The following CD4 variants were observed in gnomAD, a reference collection of about 807,000 sequenced individuals.
CD4 encodes the protein T-cell surface glycoprotein CD4.
A neutral mutation model predicts 50.5 loss-of-function variants in CD4; 25 were observed. The observed-to-expected ratio is 0.49, with a 90% CI of 0.36 to 0.69. The LOEUF (loss-of-function observed/expected upper bound fraction) is 0.69. CD4 is among the 30% of genes least tolerant of loss of function. CD4 has a pLI of 0.00. For synonymous variants in CD4, 207 were observed against 221.9 expected (o/e 0.93, Z 0.60); for missense variants, 456 against 548.5 (o/e 0.83, Z 1.68).
intron 1 of CD4, among the ~76,000 whole-genome samples, chr12:6,794,786 G>GTTTTTTTTTTTTTTTTTTTTTTTT (rs1220016459): frequency 3.8e-5 from 4 of 105,396 alleles, no homozygotes; most frequent in Non-Finnish European, 5.6e-5. Flanking sequence ...TTTTTTTTTT[G>GTTTTTTTTTTTTTTTTTTTTTTTT]TTTTTTTTTT....
rs1179445753 is a variant in CD4, at chr12:6,817,066, A to C, written c.956-64A>C. 2.9e-6 allele frequency: 4 copies of C among 1,388,518 alleles called. No individual in the cohort carries two copies. The East Asian group carries it at 9.2e-5, about 32-fold the overall frequency. 86.0% of individuals were successfully genotyped at this position (1,388,518 alleles called of 1,614,324 possible). ...GGCTAAAAGAAGGTCACCCATATAGAGTATCATTTTAATTGTTCTACTGAA... is the reference window on the plus strand; with the variant it reads ...GGCTAAAAGAAGGTCACCCATATAGCGTATCATTTTAATTGTTCTACTGAA... On this transcript the variant is annotated intron_variant, in intron 6 of 9. Transcript: ENST00000011653.
chr12:6,817,837 ACT>A (rs1565502126), intron 7 of CD4, among the ~76,000 whole-genome samples: 1 of 149,640 alleles, frequency 6.7e-6, no homozygotes. Context: ...ACTGTCACAC[ACT>A]CATACACACA....
chr12:6,794,775 G>GGTTTTTTTTTGTTTTTTTTTTTT (rs1942313022), intron 1 of CD4, among the ~76,000 whole-genome samples: 1 of 112,542 alleles, frequency 8.9e-6, no homozygotes, highest in Non-Finnish European at 1.8e-5. Flanking sequence ...CTGTATGTCT[G>GGTTTTTTTTTGTTTTTTTTTTTT]TTTTTTTTTT....
chr12:6,819,223 A>G, intron 9 of CD4, 76 bp from the exon 10 acceptor site: 2 of 1,427,238 alleles, frequency 1.4e-6, no homozygotes, highest in East Asian at 4.6e-5. Context: ...TGCGCTGGAA[A>G]GGCCATTGGA....
chr12:6,808,028 C>T (rs782018733), intron 3 of CD4, among the ~76,000 whole-genome samples: 45 of 139,654 alleles, frequency 3.2e-4, no homozygotes, highest in Non-Finnish European at 5.6e-4. Context: ...TGCAGTGAGC[C>T]GAGATCACGC....
chr12:6,816,363 A>G lies in CD4; in HGVS notation c.915A>G (p.Thr305=). The change falls in exon 6 of 10, where the codon ACA becomes ACG. Residue 305 remains threonine, a synonymous_variant. Transcript: ENST00000011653. This position sits in a 1 kb window ranked among gnomAD's most constrained non-coding sequence, Gnocchi z 4.9. ...TCACCCTGGCCCTTGAAGCGAAAAC[A>G]GGAAAGTTGCATCAGGAAGTGAACC... ...GNLTLALEAK[T]GKLHQEVNLV... 1 of 1,614,130 alleles carries G rather than the reference A, an allele frequency of 6.2e-7. No homozygotes were observed. Among genetic ancestry groups the G allele is most frequent in the Middle Eastern group, 1.7e-4 (1 of 6,060 alleles).
rs367583567 is a variant in CD4, at chr12:6,794,604, TC to T, written c.-68+4943del. ...CCAGGCTGGTCTCGTACTCCCGACC[TC>T]AGGTGATCCACTTGCCTTGGCCTCC... On this transcript the variant is annotated intron_variant, in intron 1 of 9. Transcript: ENST00000011653. Among the ~76,000 whole-genome samples, 216 of 152,210 alleles carry T rather than the reference TC, an allele frequency of 1.4e-3. 2 individuals are homozygous for T. The East Asian group carries it at 0.021, about 15-fold the overall frequency.
chr12:6,814,864 G>T lies in CD4; in HGVS notation c.479G>T (p.Gly160Val). 1 of 1,613,570 alleles carries T rather than the reference G, an allele frequency of 6.2e-7. No individual in the cohort carries two copies. Among genetic ancestry groups the T allele is most frequent in the Non-Finnish European group, 8.5e-7 (1 of 1,179,708 alleles). ...TCAGTGCAATGTAGGAGTCCAAGGG[G>T]TAAAAACATACAGGGGGGGAAGACC... ...SPSVQCRSPR[G>V]KNIQGGKTLS... is the part of the protein sequence containing the mutation. Residue 160 changes from glycine to valine, a missense_variant, in exon 5 of 10, where the codon GGT becomes GTT. Coordinates refer to ENST00000011653, the MANE Select transcript of CD4 (RefSeq NM_000616.5).
chr12:6,802,385 T>G (rs192274654), intron 3 of CD4, among the ~76,000 whole-genome samples: 1 of 151,962 alleles, frequency 6.6e-6, no homozygotes, highest in East Asian at 1.9e-4. Flanking sequence ...TACAGTGGCA[T>G]GACCACAACA....
chr12:6,814,536 A>G (rs1297635195), intron 4 of CD4: 9 of 648,286 alleles, frequency 1.4e-5, no homozygotes, highest in Non-Finnish European at 2.4e-5. Context: ...AGGCAAGGGA[A>G]GGAGGGAGAG....
intron 9 of CD4, 31 bp from the exon 10 acceptor site, chr12:6,819,268 G>C (rs782509421): frequency 2.3e-5 from 37 of 1,612,760 alleles, no homozygotes; most frequent in Non-Finnish European, 3.0e-5. Flanking sequence ...AGTGGGGACA[G>C]ACCTGCTCCC....
Position 6,820,277 on chromosome 12 carries a change from C to T in CD4, c.*948C>T, listed in dbSNP as rs139558800. The T allele has an allele frequency of 2.6e-5, 4 of 152,188 alleles. No individual in the cohort carries two copies. The highest frequency in any genetic ancestry group is 1.9e-4 in the East Asian group (1 of 5,194). The allele number at this position is 152,188 out of a possible 1,614,324, so 9.4% of individuals were successfully genotyped here. ...GATGAAGGCCTCCCTGTCTAAAATC[C>T]CTCCTTCATCCCCCGCTGGTGGCAG... is the stretch of plus-strand genomic sequence containing the variant. On this transcript the variant is annotated 3_prime_UTR_variant, in exon 10 of 10. Coordinates refer to ENST00000011653, the MANE Select transcript of CD4 (RefSeq NM_000616.5).
chr12:6,801,761 G>T (rs754545956), intron 3 of CD4, among the ~76,000 whole-genome samples: 23 of 149,156 alleles, frequency 1.5e-4, no homozygotes, highest in South Asian at 4.3e-4. Flanking sequence ...AGAGTTTCAC[G>T]GTGTTAGCCA....
chr12:6,794,754 AATCT>A (rs940506547), intron 1 of CD4, among the ~76,000 whole-genome samples: 18 of 138,956 alleles, frequency 1.3e-4, no homozygotes, highest in African/African-American at 4.4e-4. Flanking sequence ...CTATTTATCT[AATCT>A]ATCTGTCTGT....
chr12:6,819,153 A>G, intron 9 of CD4, 146 bp from the exon 10 acceptor site: 2 of 838,644 alleles, frequency 2.4e-6, no homozygotes, highest in Non-Finnish European at 4.1e-6. Context: ...AAGTGGGAGG[A>G]TGGAGCTGAA....
In CD4 at chr12:6,814,805, C is replaced by G. The variant is rs28917503; in HGVS notation, c.420C>G (p.Thr140=). ...ACCTGCTTCAGGGGCAGAGCCTGACCCTGACCTTGGAGAGCCCCCCTGGTA... is the reference window on the plus strand; with the variant it reads ...ACCTGCTTCAGGGGCAGAGCCTGACGCTGACCTTGGAGAGCCCCCCTGGTA... ...DTHLLQGQSL[T]LTLESPPGSS... is the part of the protein sequence containing the mutation. Residue 140 remains threonine, a synonymous_variant, in exon 5 of 10, where the codon ACC becomes ACG. Coordinates refer to ENST00000011653, the MANE Select transcript of CD4 (RefSeq NM_000616.5). 6.2e-7 allele frequency: 1 copy of G among 1,613,682 alleles called. No individual in the cohort carries two copies. The highest frequency in any genetic ancestry group is 8.5e-7 in the Non-Finnish European group (1 of 1,179,792).
intron 3 of CD4, among the ~76,000 whole-genome samples, chr12:6,811,702 G>C (rs781815761): frequency 7.3e-4 from 111 of 151,024 alleles, no homozygotes; most frequent in African/African-American, 2.6e-3. Flanking sequence ...AGTAGAGATG[G>C]GGTTTCACCA....
intron 3 of CD4, among the ~76,000 whole-genome samples, chr12:6,810,592 C>A (rs782433837): frequency 1.3e-3 from 199 of 152,220 alleles, no homozygotes; most frequent in African/African-American, 4.4e-3. Context: ...AAGACAGAGT[C>A]TGGGACAACA....
rs1555114949 is a variant in CD4 at position 6,800,104 on chromosome 12, T to A, written c.-35T>A. 1.2e-6 allele frequency: 2 copies of A among 1,608,118 alleles called. No homozygotes were observed. Among genetic ancestry groups the A allele is most frequent in the South Asian group, 2.2e-5 (2 of 90,936 alleles). On this transcript the variant is annotated 5_prime_UTR_variant, in exon 2 of 10. Transcript: ENST00000011653. ...CATTTCTGTGGGCTCAGGTCCCTAC[T>A]GGCTCAGGCCCCTGCCTCCCTCGGC...
Sources: allele counts gnomAD v4.1 joint callset (sites outside exome capture counted in the v4.1 genomes callset), GRCh38; gene constraint gnomAD v4.1.1; non-coding constraint Gnocchi (gnomAD v3.1); transcripts MANE v1.5; gene names NCBI Gene and HGNC (gene_info 2026-07-23, HGNC 2026-07-21).